GRM5: variants seen among roughly 807,000 people sequenced by gnomAD.
GRM5 encodes metabotropic glutamate receptor 5.
A neutral mutation model predicts 83.1 loss-of-function variants in GRM5; 19 were observed. That is an observed-to-expected ratio of 0.23 (90% CI 0.16 to 0.34). The LOEUF (loss-of-function observed/expected upper bound fraction) is 0.34, where lower values mean the gene tolerates loss of function less well. GRM5 is among the 10% of genes least tolerant of loss of function. The probability of loss-of-function intolerance (pLI) is 1.00; values close to 1 mark genes in which losing one functional copy is unlikely to be tolerated. For synonymous variants in GRM5, 675 were observed against 633.6 expected (o/e 1.07, Z -0.98); for missense variants, 1,160 against 1,588.3 (o/e 0.73, Z 4.58).
intron 3 of GRM5, among the ~76,000 whole-genome samples, 155 bp from the exon 4 acceptor site, chr11:88,653,558 T>C (rs80068334): frequency 1.8e-4 from 28 of 152,164 alleles, no homozygotes; most frequent in African/African-American, 6.7e-4. Context: ...ATATAGAAGC[T>C]TGTTAGAATA....
chr11:88,872,658 C>T (rs903542609), intron 2 of GRM5, among the ~76,000 whole-genome samples: 1 of 151,104 alleles, frequency 6.6e-6, no homozygotes, highest in Non-Finnish European at 1.5e-5. Flanking sequence ...CCCTTCCTCA[C>T]CCTGGCAGTG....
chr11:88,911,749 T>C (rs956082310), intron 2 of GRM5, among the ~76,000 whole-genome samples: 11 of 152,094 alleles, frequency 7.2e-5, no homozygotes, highest in Non-Finnish European at 1.3e-4. Context: ...GAAGCTAAAA[T>C]TGGAGATGAG....
intron 2 of GRM5, among the ~76,000 whole-genome samples, chr11:88,944,147 G>A (rs929792026): frequency 1.3e-5 from 2 of 151,938 alleles, no homozygotes; most frequent in Admixed American, 6.6e-5. Flanking sequence ...CGGGGGAAAT[G>A]AGAATTTTAC....
At chr11:88,962,522 A>G (rs1297102911) in intron 2 of GRM5, among the ~76,000 whole-genome samples, 1 of 152,188 alleles carries the variant, frequency 6.6e-6, no homozygotes, top group Non-Finnish European at 1.5e-5. Flanking sequence ...TGATTTATTC[A>G]TTTAGTCACT....
At chr11:89,039,567 C>A (rs1941479709) in intron 2 of GRM5, among the ~76,000 whole-genome samples, 1 of 152,118 alleles carries the variant, frequency 6.6e-6, no homozygotes, top group Non-Finnish European at 1.5e-5. Context: ...TTAAACCATA[C>A]TTTGTTACTC....
intron 8 of GRM5, among the ~76,000 whole-genome samples, chr11:88,540,574 G>A (rs1942243812): frequency 6.6e-6 from 1 of 152,092 alleles, no homozygotes; most frequent in Non-Finnish European, 1.5e-5. Context: ...TCCTGGGCAT[G>A]CAATTACAGG....
At chr11:88,517,302 T>C (rs968166847) in intron 9 of GRM5, among the ~76,000 whole-genome samples, 4 of 151,970 alleles carry the variant, frequency 2.6e-5, no homozygotes, top group African/African-American at 9.7e-5. Context: ...AAGTAGAAAA[T>C]ACTTAAGGTA....
chr11:88,533,085 T>C (rs531267378), intron 8 of GRM5, among the ~76,000 whole-genome samples: 4 of 152,318 alleles, frequency 2.6e-5, no homozygotes, highest in African/African-American at 4.8e-5. Context: ...CCTGTCAAAA[T>C]AGAAATCTTT....
intron 3 of GRM5, among the ~76,000 whole-genome samples, chr11:88,819,734 G>A (rs1010101333): frequency 6.6e-6 from 1 of 152,120 alleles, no homozygotes; most frequent in Non-Finnish European, 1.5e-5. Flanking sequence ...CCTGAAAATG[G>A]GTGGTTTAAT....
intron 3 of GRM5, among the ~76,000 whole-genome samples, chr11:88,723,147 CTTTTT>C (rs71470776): frequency 6.8e-6 from 1 of 148,014 alleles, no homozygotes; most frequent in African/African-American, 2.5e-5. Context: ...TTCAGATTGG[CTTTTT>C]TTTTTTCTCA....
intron 9 of GRM5, chr11:88,512,276 A>G (rs929795692): frequency 6.5e-6 from 1 of 154,386 alleles, no homozygotes; most frequent in African/African-American, 2.4e-5. Context: ...AGGGAGAAAG[A>G]GCACCAGACC....
intron 3 of GRM5, among the ~76,000 whole-genome samples, chr11:88,784,220 T>C (rs1314633574): frequency 6.6e-6 from 1 of 152,084 alleles, no homozygotes; most frequent in Non-Finnish European, 1.5e-5. Context: ...CATATTCTGC[T>C]GAGATGTCAA....
chr11:88,848,219 C>T (rs1454175247), intron 3 of GRM5, among the ~76,000 whole-genome samples: 2 of 152,114 alleles, frequency 1.3e-5, no homozygotes, highest in African/African-American at 4.8e-5. Flanking sequence ...CAACTAGCGA[C>T]GATTTTGACA....
intron 9 of GRM5, among the ~76,000 whole-genome samples, chr11:88,523,712 T>G (rs1175225101): frequency 1.3e-5 from 2 of 152,182 alleles, no homozygotes; most frequent in African/African-American, 4.8e-5. Flanking sequence ...AGGACTGTTG[T>G]GAATGATTGC....
At chr11:88,768,351 A>C (rs1206019123) in intron 3 of GRM5, among the ~76,000 whole-genome samples, 1 of 152,058 alleles carries the variant, frequency 6.6e-6, no homozygotes, top group Non-Finnish European at 1.5e-5. Flanking sequence ...CAGAAAAGAC[A>C]AATGATGTAT....
chr11:88,985,042 G>A (rs940625602), intron 2 of GRM5, among the ~76,000 whole-genome samples: 1 of 151,664 alleles, frequency 6.6e-6, no homozygotes, highest in African/African-American at 2.4e-5. Flanking sequence ...TTTGATACAG[G>A]TACAGTCTAA....
Position 88,935,681 on chromosome 11 carries a change from C to T in GRM5, c.662-85526G>A, listed in dbSNP as rs754256801. Among the ~76,000 whole-genome samples the T allele has an allele frequency of 2.0e-5, 3 of 151,906 alleles. No homozygotes were observed. The East Asian group carries it at 5.8e-4, about 29-fold the overall frequency. On this transcript the variant is annotated intron_variant, in intron 2 of 9. Transcript: ENST00000305447. ...TCGTGTTCCAGCCTCACTCCTTCAA[C>T]GGATGAATGAAAAGGGAAATACTCT...
chr11:88,930,190 C>T (rs936240001), intron 2 of GRM5, among the ~76,000 whole-genome samples: 1 of 151,896 alleles, frequency 6.6e-6, no homozygotes, highest in Non-Finnish European at 1.5e-5. Context: ...GAAAGGATTG[C>T]TTGAGGACAG....
chr11:88,734,791 A>G (rs563633932), intron 3 of GRM5, among the ~76,000 whole-genome samples: 1 of 152,162 alleles, frequency 6.6e-6, no homozygotes, highest in East Asian at 1.9e-4. Context: ...AAACAAAGAC[A>G]ACCAATTATG....
Sources: allele counts gnomAD v4.1 joint callset (sites outside exome capture counted in the v4.1 genomes callset), GRCh38; gene constraint gnomAD v4.1.1; transcripts MANE v1.5; gene names NCBI Gene and HGNC (gene_info 2026-07-23, HGNC 2026-07-21).